The following WTIP variants were observed in gnomAD, a reference collection of about 807,000 sequenced individuals.
The protein encoded by WTIP is Wilms tumor protein 1-interacting protein.
A neutral mutation model predicts 41.7 loss-of-function variants in WTIP; 23 were observed. The observed-to-expected ratio is 0.55, with a 90% CI of 0.40 to 0.78. The LOEUF is 0.78. Ranked by LOEUF, WTIP falls within the 30% of genes least tolerant of loss-of-function variation. The pLI is 0.00. For synonymous variants in WTIP, 314 were observed against 269.9 expected (o/e 1.16, Z -1.60); for missense variants, 619 against 610.5 (o/e 1.01, Z -0.15).
At chr19:34,494,388 T>C (rs929626232) in intron 5 of WTIP, among the ~76,000 whole-genome samples, 198 bp from the exon 6 acceptor site, 6 of 150,174 alleles carry the variant, frequency 4.0e-5, no homozygotes, top group African/African-American at 1.2e-4. Context: ...ACCCCATTTC[T>C]ATTAAAAAAA....
intron 1 of WTIP, among the ~76,000 whole-genome samples, chr19:34,483,903 GC>G (rs1568395968): frequency 6.7e-6 from 1 of 148,462 alleles, no homozygotes; most frequent in Non-Finnish European, 1.5e-5. Context: ...GCTCACGGCT[GC>G]CCTGAACTGG....
Position 34,500,268 on chromosome 19 carries a change from G to C in WTIP, c.1292G>C (p.Ter431SerextTer107). The C allele has an allele frequency of 2.5e-6, 4 of 1,606,152 alleles. No individual in the cohort carries two copies. Among genetic ancestry groups the C allele is most frequent in the Non-Finnish European group, 2.5e-6 (3 of 1,178,490 alleles). ...CCCACTGTGCACGTCACTGAGCTCT[G>C]AGCAGGGGAAAACCCGTCCCTGGGC... is the stretch of plus-strand genomic sequence containing the variant. ...PSPTVHVTEL[*>S] Residue 431 changes from the stop codon to serine (S), a stop_lost, in exon 8 of 8, where the codon TGA (stop) becomes TCA (serine). Coordinates refer to ENST00000590071, the MANE Select transcript of WTIP (RefSeq NM_001080436.2).
rs2075767329 is a variant in WTIP, at chr19:34,481,834, C to T, written c.-141C>T. 2 of 295,552 alleles carry T rather than the reference C, an allele frequency of 6.8e-6. No homozygotes were observed. The highest frequency in any genetic ancestry group is 1.2e-4 in the South Asian group (1 of 8,008). 18.3% of individuals were successfully genotyped at this position (295,552 alleles called of 1,614,324 possible). On this transcript the variant is annotated 5_prime_UTR_variant, in exon 1 of 8. Transcript: ENST00000590071. ...CGCGTGGCCGCCGGAACGACCCCGGCCCGGCGCCGGCCCCGCCCCGCCCCG... is the reference window on the plus strand; with the variant it reads ...CGCGTGGCCGCCGGAACGACCCCGGTCCGGCGCCGGCCCCGCCCCGCCCCG...
intron 7 of WTIP, among the ~76,000 whole-genome samples, chr19:34,496,246 A>C (rs1207514474): frequency 3.3e-5 from 5 of 152,228 alleles, no homozygotes; most frequent in Admixed American, 3.3e-4. Context: ...ATTATAGCTC[A>C]CTGGAGCCTC....
In WTIP at chr19:34,493,361, A is replaced by T. The variant is rs981161193; in HGVS notation, c.900+36A>T. 1 of 1,603,746 alleles carries T rather than the reference A, an allele frequency of 6.2e-7. No individual in the cohort carries two copies. Among genetic ancestry groups the T allele is most frequent in the Non-Finnish European group, 8.5e-7 (1 of 1,175,514 alleles). On this transcript the variant is annotated intron_variant, in intron 4 of 7. Transcript: ENST00000590071. The surrounding 1 kb of genome is among the most constrained non-coding windows in gnomAD (Gnocchi z 4.1). The stretch of plus-strand genomic sequence containing the variant: ...GCCCCAGCCTCCTGGAGCCCCTCTG[A>T]CGTGGGTGGAGTCTGAGGACTCTAC...
intron 2 of WTIP, 48 bp from the exon 3 acceptor site, chr19:34,492,989 C>A: frequency 6.2e-7 from 1 of 1,602,006 alleles, no homozygotes; most frequent in Non-Finnish European, 8.6e-7. Flanking sequence ...CGGCTCCATC[C>A]CTGGTCCCCA....
chr19:34,490,543 A>G, intron 2 of WTIP, 66 bp downstream of exon 2: 1 of 1,493,006 alleles, frequency 6.7e-7, no homozygotes, highest in Non-Finnish European at 9.3e-7. Context: ...CATTCCCCTC[A>G]AACTGCCTTG....
chr19:34,512,116 C>A lies in WTIP; in HGVS notation c.*11847C>A, dbSNP rs1340183859. On this transcript the variant is annotated 3_prime_UTR_variant, in exon 8 of 8. Transcript: ENST00000590071. The stretch of plus-strand genomic sequence containing the variant: ...GCTCTATTTTCTTGTCCAGAAACTC[C>A]ACCACTGTGCTAAAGAGACAGTGGT... 2.0e-5 allele frequency: 3 copies of A among 152,194 alleles called. No homozygotes were observed. Among genetic ancestry groups the A allele is most frequent in the South Asian group, 2.1e-4 (1 of 4,818 alleles). The allele number at this position is 152,194 out of a possible 1,614,324, so 9.4% of individuals were successfully genotyped here.
intron 7 of WTIP, among the ~76,000 whole-genome samples, chr19:34,498,898 A>C (rs1234953507): frequency 1.4e-5 from 2 of 146,398 alleles, no homozygotes; most frequent in Admixed American, 1.4e-4. Context: ...TCTCAAAAAA[A>C]ACAAAAACAA....
chr19:34,487,767 G>A (rs1172625626), intron 1 of WTIP, among the ~76,000 whole-genome samples: 3 of 151,834 alleles, frequency 2.0e-5, no homozygotes, highest in Non-Finnish European at 2.9e-5. Context: ...ATGGCCTGGA[G>A]CTGGCAGAAG....
In WTIP at chr19:34,508,321, C is replaced by G. The variant is rs192778989; in HGVS notation, c.*8052C>G. The G allele has an allele frequency of 7.2e-5, 11 of 151,916 alleles. 1 individual carries two copies. The highest frequency in any genetic ancestry group is 7.2e-4 in the Admixed American group (11 of 15,254). 9.4% of individuals were successfully genotyped at this position (151,916 alleles called of 1,614,324 possible). ...AACTCCTGACCTTAAGTGATCTACC[C>G]GCCTCAGCCTCCTAAAGTGCTAGGA... is the stretch of plus-strand genomic sequence containing the variant. On this transcript the variant is annotated 3_prime_UTR_variant, in exon 8 of 8. Transcript: ENST00000590071.
intron 2 of WTIP, among the ~76,000 whole-genome samples, chr19:34,490,900 C>T (rs1332988289): frequency 6.6e-6 from 1 of 152,184 alleles, no homozygotes; most frequent in African/African-American, 2.4e-5. Flanking sequence ...CGGCTCACTG[C>T]AGCCTCTGCC....
intron 6 of WTIP, 74 bp from the exon 7 acceptor site, chr19:34,495,629 G>A: frequency 6.5e-7 from 1 of 1,533,218 alleles, no homozygotes; most frequent in Non-Finnish European, 9.0e-7. Flanking sequence ...CGTGGTGTGT[G>A]GGAGTGTACA....
At chr19:34,495,008 T>C (rs2075845514) in intron 6 of WTIP, among the ~76,000 whole-genome samples, 1 of 152,156 alleles carries the variant, frequency 6.6e-6, no homozygotes, top group Non-Finnish European at 1.5e-5. Flanking sequence ...GTGCTACAGC[T>C]CTCCTGGCCT....
At position 34,482,588 on chromosome 19, in the gene WTIP, T is replaced by A; in HGVS notation, c.614T>A (p.Leu205His). Residue 205 changes from leucine (L) to histidine (H), a missense_variant, in exon 1 of 8, where the codon CTC becomes CAC. Leu to His is a moderately conservative substitution (Grantham distance 99, BLOSUM62 -3). Transcript: ENST00000590071. ...PSAAERRLEA[L>H]TRELERALEA... ...GCGGCCGAGCGGCGGCTGGAGGCGC[T>A]CACCCGGGAGCTGGAGCGGGCGCTC... 1 of 1,230,768 alleles carries A rather than the reference T, an allele frequency of 8.1e-7. No homozygotes were observed. Among genetic ancestry groups the A allele is most frequent in the Non-Finnish European group, 1.0e-6 (1 of 987,814 alleles). The allele number at this position is 1,230,768 out of a possible 1,614,324, so 76.2% of individuals were successfully genotyped here.
rs1035739808 is a variant in WTIP, at chr19:34,507,510, G to A, written c.*7241G>A. On this transcript the variant is annotated 3_prime_UTR_variant, in exon 8 of 8. Transcript: ENST00000590071. ...TCTTGTGCCCCCTGAGGGTCTGCCC[G>A]GTCACATCCCCTTGTCTTCTCTAGG... 2.6e-5 allele frequency: 4 copies of A among 151,574 alleles called. No homozygotes were observed. Among genetic ancestry groups the A allele is most frequent in the African/African-American group, 7.3e-5 (3 of 41,196 alleles). 9.4% of individuals were successfully genotyped at this position (151,574 alleles called of 1,614,324 possible).
At position 34,500,330 on chromosome 19, in the gene WTIP, G is replaced by A; in HGVS notation, c.*61G>A. The A allele has an allele frequency of 6.7e-7, 1 of 1,481,992 alleles. No individual in the cohort carries two copies. Among genetic ancestry groups the A allele is most frequent in the South Asian group, 1.4e-5 (1 of 73,286 alleles). The allele number at this position is 1,481,992 out of a possible 1,614,324, so 91.8% of individuals were successfully genotyped here. On this transcript the variant is annotated 3_prime_UTR_variant, in exon 8 of 8. Transcript: ENST00000590071. ...TGGGTGTGGAGGGAGGGCCCGCGTGGGTGGCCCTGGTCAGCGTCAGGGGAG... is the reference window on the plus strand; with the variant it reads ...TGGGTGTGGAGGGAGGGCCCGCGTGAGTGGCCCTGGTCAGCGTCAGGGGAG...
At chr19:34,491,737 C>T (rs1469605820) in intron 2 of WTIP, among the ~76,000 whole-genome samples, 1 of 152,014 alleles carries the variant, frequency 6.6e-6, no homozygotes, top group African/African-American at 2.4e-5. Flanking sequence ...CTCCGTGTCC[C>T]AGTTTCAAGT....
In WTIP at chr19:34,511,375, G is replaced by T. The variant is rs2075932418; in HGVS notation, c.*11106G>T. On this transcript the variant is annotated 3_prime_UTR_variant, in exon 8 of 8. Coordinates refer to ENST00000590071, the MANE Select transcript of WTIP (RefSeq NM_001080436.2). ...CATGATTCAAAATATTTCCCATTGGGTCCCTCCCACAACACGTGAGAATTA... is the reference window on the plus strand; with the variant it reads ...CATGATTCAAAATATTTCCCATTGGTTCCCTCCCACAACACGTGAGAATTA... 1 of 152,034 alleles carries T rather than the reference G, an allele frequency of 6.6e-6. No individual in the cohort carries two copies. The highest frequency in any genetic ancestry group is 1.5e-5 in the Non-Finnish European group (1 of 68,018). 9.4% of individuals were successfully genotyped at this position (152,034 alleles called of 1,614,324 possible). A position where few individuals can be genotyped will look rare whatever the true frequency, so the allele number is the denominator to read the frequency against.
Sources: allele counts gnomAD v4.1 joint callset (sites outside exome capture counted in the v4.1 genomes callset), GRCh38; gene constraint gnomAD v4.1.1; non-coding constraint Gnocchi (gnomAD v3.1); transcripts MANE v1.5; gene names NCBI Gene and HGNC (gene_info 2026-07-23, HGNC 2026-07-21).